Variants in BLK observed in about 807,000 individuals in gnomAD.
BLK encodes BLK proto-oncogene, Src family tyrosine kinase, also known as tyrosine-protein kinase Blk.
A neutral mutation model predicts 61.8 loss-of-function variants in BLK; 64 were observed. The observed-to-expected ratio is 1.03, with a 90% CI of 0.85 to 1.27. The LOEUF is 1.27. Ranked by LOEUF, BLK falls within the 50% of genes most tolerant of loss-of-function variation. The probability of loss-of-function intolerance (pLI) is 0.00; values close to 1 mark genes in which losing one functional copy is unlikely to be tolerated. For synonymous variants in BLK, 351 were observed against 272.0 expected, an observed-to-expected ratio of 1.29 and a Z score of -2.86; for missense variants, 853 against 660.5, an observed-to-expected ratio of 1.29 and a Z score of -3.19.
intron 10 of BLK, chr8:11,560,004 A>G (rs1801416325): frequency 5.5e-6 from 2 of 365,618 alleles, no homozygotes; most frequent in African/African-American, 2.1e-5. Flanking sequence ...ATTAGTTATC[A>G]GAACGAGTAC....
rs547100987 is a variant in BLK at position 11,558,493 on chromosome 8, T to G, written c.1029+455T>G. The G allele has an allele frequency of 8.9e-5, 33 of 369,910 alleles. No homozygotes were observed. In the East Asian group the frequency reaches 2.2e-3, roughly 25 times the overall value. 22.9% of individuals were successfully genotyped at this position (369,910 alleles called of 1,614,324 possible). On this transcript the variant is annotated intron_variant, in intron 10 of 12. Coordinates refer to ENST00000259089, the MANE Select transcript of BLK (RefSeq NM_001715.3). ...CCTCAGCCTTTGCACAGCCCTGGCG[T>G]CGACCCCAGGCTGATGGGCAGGCCT...
chr8:11,519,483 G>A (rs915408959), intron 1 of BLK, among the ~76,000 whole-genome samples: 1 of 152,200 alleles, frequency 6.6e-6, no homozygotes, highest in Non-Finnish European at 1.5e-5. Flanking sequence ...GTAGGGAAAT[G>A]TCAAAAGTGG....
chr8:11,527,028 T>G (rs75473987), intron 1 of BLK, among the ~76,000 whole-genome samples: 1 of 152,186 alleles, frequency 6.6e-6, no homozygotes, highest in African/African-American at 2.4e-5. Context: ...ATAACTCATG[T>G]CATTCTTATT....
At chr8:11,534,818 C>A (rs1399731705) in intron 1 of BLK, among the ~76,000 whole-genome samples, 3 of 152,334 alleles carry the variant, frequency 2.0e-5, no homozygotes, top group East Asian at 1.9e-4. Flanking sequence ...TACAGAGCAG[C>A]CTCTCACCAT....
At chr8:11,554,686 G>C (rs896430858) in intron 6 of BLK, 57 bp from the exon 7 acceptor site, 1 of 1,599,442 alleles carries the variant, frequency 6.3e-7, no homozygotes, top group African/African-American at 1.3e-5. Context: ...CCAAATCCCA[G>C]TCCCGTTTTT....
chr8:11,542,588 A>G lies in BLK; in HGVS notation c.-1-636A>G, dbSNP rs558291236. The stretch of plus-strand genomic sequence containing the variant: ...ATGGTGTCAAAAGGGCCTGTCCCAC[A>G]TCTGCCATCCTAAAATTCTTTACCA... On this transcript the variant is annotated intron_variant, in intron 1 of 12. Transcript: ENST00000259089. Among the ~76,000 whole-genome samples, 10 of 152,268 alleles carry G rather than the reference A, an allele frequency of 6.6e-5. No individual in the cohort carries two copies. In the East Asian group the frequency reaches 1.5e-3, roughly 23 times the overall value.
At chr8:11,513,162 T>C (rs888204804) in intron 1 of BLK, among the ~76,000 whole-genome samples, 3 of 152,182 alleles carry the variant, frequency 2.0e-5, no homozygotes, top group African/African-American at 7.2e-5. Flanking sequence ...TCTCTGGCCT[T>C]GAGCCTTACA....
intron 1 of BLK, among the ~76,000 whole-genome samples, chr8:11,502,858 C>T (rs1032806655): frequency 5.3e-5 from 8 of 152,028 alleles, no homozygotes; most frequent in Non-Finnish European, 7.4e-5. Flanking sequence ...GCTTTGTGCT[C>T]GGTGGCAGGG....
At chr8:11,538,263 T>C (rs117945317) in intron 1 of BLK, among the ~76,000 whole-genome samples, 1 of 152,144 alleles carries the variant, frequency 6.6e-6, no homozygotes, top group Non-Finnish European at 1.5e-5. Context: ...CCCCAGCCAG[T>C]GTGTGATGCG....
At chr8:11,546,432 G>A (rs528723761) in intron 3 of BLK, among the ~76,000 whole-genome samples, 1 of 152,308 alleles carries the variant, frequency 6.6e-6, no homozygotes, top group African/African-American at 2.4e-5. Context: ...CAAACGCAAA[G>A]GGCTGGGCCA....
chr8:11,504,179 G>A (rs889695785), intron 1 of BLK, among the ~76,000 whole-genome samples: 1 of 152,018 alleles, frequency 6.6e-6, no homozygotes, highest in African/African-American at 2.4e-5. Context: ...AAAATTAGCT[G>A]GGTGTGGTGG....
At chr8:11,520,217 G>A (rs1275318173) in intron 1 of BLK, among the ~76,000 whole-genome samples, 1 of 152,044 alleles carries the variant, frequency 6.6e-6, no homozygotes, top group African/African-American at 2.4e-5. Context: ...TGGCTCACAA[G>A]TGTAATCCCA....
chr8:11,536,095 G>C (rs1210255538), intron 1 of BLK, among the ~76,000 whole-genome samples: 1 of 152,172 alleles, frequency 6.6e-6, no homozygotes, highest in African/African-American at 2.4e-5. Flanking sequence ...TTATGAATTG[G>C]GTTCAATGGC....
chr8:11,497,406 C>T (rs147905153), intron 1 of BLK, among the ~76,000 whole-genome samples: 3 of 152,252 alleles, frequency 2.0e-5, no homozygotes, highest in East Asian at 1.9e-4. Context: ...TTTGCTCTGA[C>T]GTCCAGGGCA....
intron 1 of BLK, among the ~76,000 whole-genome samples, chr8:11,498,307 T>C (rs1012767135): frequency 2.6e-5 from 4 of 152,150 alleles, no homozygotes; most frequent in African/African-American, 9.7e-5. Context: ...GGTTCTGTGC[T>C]TAATAGATGA....
At chr8:11,547,511 T>A (rs1800699934) in intron 3 of BLK, among the ~76,000 whole-genome samples, 1 of 152,116 alleles carries the variant, frequency 6.6e-6, no homozygotes, top group Non-Finnish European at 1.5e-5. Flanking sequence ...CCCGGCAGGG[T>A]CACTGGCAGC....
chr8:11,505,568 C>T (rs895591847), intron 1 of BLK, among the ~76,000 whole-genome samples: 1 of 152,134 alleles, frequency 6.6e-6, no homozygotes, highest in African/African-American at 2.4e-5. Flanking sequence ...TCGTTCAGGC[C>T]CTCCCCCTTC....
intron 1 of BLK, among the ~76,000 whole-genome samples, chr8:11,498,058 G>C (rs544496851): frequency 1.2e-4 from 18 of 152,290 alleles, no homozygotes; most frequent in African/African-American, 4.1e-4. Flanking sequence ...CAAAGCGCTG[G>C]TGCTTTCCAC....
intron 1 of BLK, among the ~76,000 whole-genome samples, chr8:11,516,309 C>T (rs1799223264): frequency 6.6e-6 from 1 of 152,234 alleles, no homozygotes; most frequent in Non-Finnish European, 1.5e-5. Context: ...CAGACACTGT[C>T]GTGGATGCTC....
Sources: gnomAD v4.1 joint callset for allele counts (sites outside exome capture counted in the v4.1 genomes callset) on GRCh38, gnomAD v4.1.1 for gene constraint, MANE v1.5 for transcripts, NCBI Gene and HGNC (gene_info 2026-07-23, HGNC 2026-07-21) for gene names.